The following DLGAP2 variants were observed in gnomAD, a reference collection of about 807,000 sequenced individuals.
DLGAP2 encodes DLG associated protein 2.
In DLGAP2, 26 loss-of-function variants were observed where a neutral mutation model predicts 100.3. The ratio of observed to expected loss-of-function variants is 0.26; its 90% CI spans 0.19 to 0.36. The LOEUF is 0.36. Ranked by LOEUF, DLGAP2 falls within the 10% of genes least tolerant of loss-of-function variation. The pLI is 1.00. For synonymous variants in DLGAP2, 886 were observed against 630.1 expected, an observed-to-expected ratio of 1.41 and a Z score of -6.08; for missense variants, 1,858 against 1,453.2, an observed-to-expected ratio of 1.28 and a Z score of -4.53.
Position 1,217,732 on chromosome 8 carries a change from G to A in DLGAP2, c.74-41119G>A, listed in dbSNP as rs546247280. ...TAATTTATATTCCCACCAGTAGTGG[G>A]AATATAAATTAAGCGTTATCTTTTC... On this transcript the variant is annotated intron_variant, in intron 2 of 14. Transcript: ENST00000637795. Among the ~76,000 whole-genome samples the A allele has an allele frequency of 3.9e-5, 6 of 152,124 alleles. No individual in the cohort carries two copies. In the East Asian group the frequency reaches 1.2e-3, roughly 29 times the overall value.
In DLGAP2 at chr8:1,678,304, G is replaced by A. The variant is rs759676911; in HGVS notation, c.2379G>A (p.Glu793=). The change falls in exon 12 of 15, where the codon GAG becomes GAA. Residue 793 remains glutamate, a synonymous_variant. Transcript: ENST00000637795. The part of the protein sequence containing the change: ...LEGFPGHITT[E]DKGLQFGSSF... The stretch of plus-strand genomic sequence containing the variant: ...GGTTCCCAGGCCACATCACCACGGA[G>A]GACAAAGGCCTTCAGTTCGGCTCAT... 1 of 1,613,910 alleles carries A rather than the reference G, an allele frequency of 6.2e-7. No individual in the cohort carries two copies. Among genetic ancestry groups the A allele is most frequent in the Non-Finnish European group, 8.5e-7 (1 of 1,179,906 alleles).
intron 2 of DLGAP2, among the ~76,000 whole-genome samples, chr8:1,074,511 A>G (rs574188760): frequency 1.3e-5 from 2 of 152,310 alleles, no homozygotes; most frequent in East Asian, 3.9e-4. Flanking sequence ...AATGCCGGGG[A>G]CAGAGAGAGC....
intron 2 of DLGAP2, among the ~76,000 whole-genome samples, chr8:983,519 C>G (rs1225632038): frequency 6.6e-6 from 1 of 152,238 alleles, no homozygotes; most frequent in Non-Finnish European, 1.5e-5. Context: ...TTCTTCTGTT[C>G]AAATTCCACC....
In DLGAP2 at chr8:1,027,413, C is replaced by G. The variant is rs181272847; in HGVS notation, c.73+119447C>G. 2.1e-4 allele frequency among the ~76,000 whole-genome samples: 23 copies of G among 111,764 alleles called. No homozygotes were observed. The East Asian group carries it at 5.8e-3, about 28-fold the overall frequency. The allele number at this position is 111,764 out of a possible 152,430, so 73.3% of individuals were successfully genotyped here. On this transcript the variant is annotated intron_variant, in intron 2 of 14. Coordinates refer to ENST00000637795, the MANE Select transcript of DLGAP2 (RefSeq NM_001346810.2). ...CCCGTTATTCTCCAGGTGGGGTGCT[C>G]GGTGCCTGTTATTCTCCAGGTGCGG...
chr8:1,036,588 G>A (rs1021413518), intron 2 of DLGAP2, among the ~76,000 whole-genome samples: 4 of 152,164 alleles, frequency 2.6e-5, no homozygotes, highest in Non-Finnish European at 5.9e-5. Flanking sequence ...GGGCCTCATG[G>A]GGCCTGGGGG....
At chr8:912,819 C>T (rs2128999926) in intron 2 of DLGAP2, among the ~76,000 whole-genome samples, 1 of 146,922 alleles carries the variant, frequency 6.8e-6, no homozygotes, top group African/African-American at 2.5e-5. Flanking sequence ...TCCCACACCA[C>T]AGTGTCCATC....
intron 1 of DLGAP2, among the ~76,000 whole-genome samples, chr8:864,384 T>C (rs1015841161): frequency 6.6e-6 from 1 of 152,146 alleles, no homozygotes; most frequent in African/African-American, 2.4e-5. Context: ...ATGGAAACAC[T>C]ACACACCCTA....
intron 3 of DLGAP2, among the ~76,000 whole-genome samples, chr8:1,366,634 G>C (rs1331326746): frequency 6.6e-6 from 1 of 152,140 alleles, no homozygotes; most frequent in Non-Finnish European, 1.5e-5. Context: ...GGACCCAATG[G>C]CGTGGAGAGG....
At chr8:1,156,972 C>T (rs1796803655) in intron 2 of DLGAP2, among the ~76,000 whole-genome samples, 1 of 152,138 alleles carries the variant, frequency 6.6e-6, no homozygotes, top group African/African-American at 2.4e-5. Context: ...TAATTCTCCA[C>T]TGTTACAGCT....
chr8:944,269 T>C (rs753882372), intron 2 of DLGAP2, among the ~76,000 whole-genome samples: 16 of 151,446 alleles, frequency 1.1e-4, no homozygotes, highest in Non-Finnish European at 2.2e-4. Context: ...TTGTGGGTGA[T>C]CCAGTGGATT....
At chr8:759,135 A>T (rs1395985137) in intron 1 of DLGAP2, among the ~76,000 whole-genome samples, 1 of 52,632 alleles carries the variant, frequency 1.9e-5, no homozygotes. Context: ...AATACCCCTG[A>T]CAGCTTTCCC....
At chr8:920,812 A>T (rs922662399) in intron 2 of DLGAP2, among the ~76,000 whole-genome samples, 3 of 152,198 alleles carry the variant, frequency 2.0e-5, no homozygotes, top group Non-Finnish European at 2.9e-5. Context: ...ATAAATAAAA[A>T]TAATTGCAAA....
intron 2 of DLGAP2, among the ~76,000 whole-genome samples, chr8:977,410 AC>A (rs1206686992): frequency 6.6e-6 from 1 of 152,250 alleles, no homozygotes; most frequent in African/African-American, 2.4e-5. Context: ...CATGGAGGGC[AC>A]ATGGCAATGT....
chr8:1,557,624 G>A (rs1055841720), intron 5 of DLGAP2, among the ~76,000 whole-genome samples: 8 of 152,102 alleles, frequency 5.3e-5, no homozygotes, highest in Non-Finnish European at 1.0e-4. Flanking sequence ...ATACACACCC[G>A]GGGGGCGTGT....
intron 1 of DLGAP2, among the ~76,000 whole-genome samples, chr8:859,210 C>T (rs1797343185): frequency 6.6e-6 from 1 of 151,590 alleles, no homozygotes; most frequent in South Asian, 2.1e-4. Flanking sequence ...CTCCTGGGTT[C>T]AAGTGATTCT....
chr8:1,498,292 C>G (rs1799608839), intron 3 of DLGAP2, among the ~76,000 whole-genome samples: 1 of 151,904 alleles, frequency 6.6e-6, no homozygotes, highest in South Asian at 2.1e-4. Flanking sequence ...CAATTCTCTC[C>G]TGGATCTGGG....
At chr8:1,088,752 C>G (rs1257848380) in intron 2 of DLGAP2, among the ~76,000 whole-genome samples, 1 of 130,142 alleles carries the variant, frequency 7.7e-6, no homozygotes, top group Non-Finnish European at 1.6e-5. Flanking sequence ...CCACCCTACT[C>G]TCTCCACCCC....
At chr8:839,639 T>C (rs1796944558) in intron 1 of DLGAP2, among the ~76,000 whole-genome samples, 1 of 152,144 alleles carries the variant, frequency 6.6e-6, no homozygotes, top group African/African-American at 2.4e-5. Context: ...ACCACCTCGG[T>C]GAAAAACAGG....
intron 12 of DLGAP2, among the ~76,000 whole-genome samples, chr8:1,682,040 C>T (rs990914069): frequency 1.3e-5 from 2 of 152,190 alleles, no homozygotes; most frequent in East Asian, 1.9e-4. Context: ...TCAAGAAGTT[C>T]CCTTATGGGA....
Sources: allele counts gnomAD v4.1 joint callset (sites outside exome capture counted in the v4.1 genomes callset), GRCh38; gene constraint gnomAD v4.1.1; transcripts MANE v1.5; gene names NCBI Gene and HGNC (gene_info 2026-07-23, HGNC 2026-07-21).